Variants in UQCC1 observed in about 807,000 individuals in gnomAD.
UQCC1 encodes ubiquinol-cytochrome c reductase complex assembly factor 1.
A neutral mutation model predicts 48.0 loss-of-function variants in UQCC1; 38 were observed. That is an observed-to-expected ratio of 0.79 (90% CI 0.61 to 1.04). The LOEUF (loss-of-function observed/expected upper bound fraction) is 1.04. UQCC1 is among the 50% of genes least tolerant of loss of function. The probability of loss-of-function intolerance (pLI) is 0.00; values close to 1 mark genes in which losing one functional copy is unlikely to be tolerated. For missense variants in UQCC1, 368 were observed against 381.8 expected (o/e 0.96, Z 0.30); for synonymous variants, 111 against 129.2 (o/e 0.86, Z 0.95).
chr20:35,406,338 A>G (rs1483702300), intron 1 of UQCC1, among the ~76,000 whole-genome samples: 1 of 152,258 alleles, frequency 6.6e-6, no homozygotes, highest in Non-Finnish European at 1.5e-5. Flanking sequence ...AGAGACAAAG[A>G]TTCTTTAAAT....
At chr20:35,402,526 T>C (rs1465806227) in intron 1 of UQCC1, among the ~76,000 whole-genome samples, 2 of 149,622 alleles carry the variant, frequency 1.3e-5, no homozygotes, top group Non-Finnish European at 3.0e-5. Flanking sequence ...TGCAGTGAGC[T>C]GAGATCGCAC....
chr20:35,335,330 A>G (rs1008157075), intron 7 of UQCC1, among the ~76,000 whole-genome samples: 6 of 152,210 alleles, frequency 3.9e-5, no homozygotes, highest in African/African-American at 1.4e-4. Flanking sequence ...TTATTCACAA[A>G]AGCTAAAAAG....
chr20:35,338,733 T>C, intron 7 of UQCC1, among the ~76,000 whole-genome samples: 1 of 150,168 alleles, frequency 6.7e-6, no homozygotes, highest in African/African-American at 2.5e-5. Context: ...TAGTCCCAGC[T>C]ACTTGGGAGG....
intron 6 of UQCC1, among the ~76,000 whole-genome samples, chr20:35,352,569 CAT>C (rs1377471973): frequency 6.6e-6 from 1 of 152,222 alleles, no homozygotes. Context: ...AGAGACCACA[CAT>C]ATGAGAGTGG....
At chr20:35,325,464 C>T (rs1325278001) in intron 7 of UQCC1, among the ~76,000 whole-genome samples, 1 of 152,200 alleles carries the variant, frequency 6.6e-6, no homozygotes, top group Non-Finnish European at 1.5e-5. Flanking sequence ...GGACACTTAT[C>T]CATTTGGCAC....
At chr20:35,400,110 G>A (rs1283843372) in intron 1 of UQCC1, among the ~76,000 whole-genome samples, 2 of 151,828 alleles carry the variant, frequency 1.3e-5, no homozygotes, top group Admixed American at 6.6e-5. Flanking sequence ...ATTTTCGGTA[G>A]AGGCGGGGTT....
intron 8 of UQCC1, among the ~76,000 whole-genome samples, chr20:35,309,783 C>T (rs2060970133): frequency 6.6e-6 from 1 of 152,224 alleles, no homozygotes; most frequent in Admixed American, 6.5e-5. Flanking sequence ...CAGAGTTCCA[C>T]TCAGTGAAGA....
chr20:35,328,048 G>A (rs1310723335), intron 7 of UQCC1, among the ~76,000 whole-genome samples: 5 of 150,220 alleles, frequency 3.3e-5, no homozygotes, highest in Admixed American at 3.3e-4. Context: ...GACACAGCCT[G>A]TGAGTTCTGA....
chr20:35,306,593 A>G (rs922740981), intron 9 of UQCC1, 73 bp downstream of exon 9: 1 of 1,170,630 alleles, frequency 8.5e-7, no homozygotes, highest in Non-Finnish European at 1.3e-6. Flanking sequence ...TCCACCTCTC[A>G]TGATCCCCTG....
chr20:35,397,180 TAGAG>T (rs960010172), intron 1 of UQCC1, among the ~76,000 whole-genome samples: 13 of 116,970 alleles, frequency 1.1e-4, no homozygotes, highest in East Asian at 7.4e-4. Context: ...GCCTGGGCGA[TAGAG>T]AGGGAGACTC....
chr20:35,356,255 G>A (rs1405335476), intron 6 of UQCC1, among the ~76,000 whole-genome samples: 1 of 152,186 alleles, frequency 6.6e-6, no homozygotes, highest in Admixed American at 6.6e-5. Context: ...GGATGGAAGT[G>A]AAGAAATCTC....
At chr20:35,308,848 G>T (rs1319553504) in intron 8 of UQCC1, among the ~76,000 whole-genome samples, 1 of 152,124 alleles carries the variant, frequency 6.6e-6, no homozygotes, top group Non-Finnish European at 1.5e-5. Flanking sequence ...CCAAGTAGCT[G>T]GGACTACGGG....
Position 35,350,857 on chromosome 20 carries a change from A to G in UQCC1, c.465-3585T>C, listed in dbSNP as rs542300645. 1.1e-3 allele frequency among the ~76,000 whole-genome samples: 161 copies of G among 151,846 alleles called. 2 individuals are homozygous for G. Among genetic ancestry groups the G allele is most frequent in the African/African-American group, 3.5e-3 (145 of 41,386 alleles). On this transcript the variant is annotated intron_variant, in intron 6 of 9. Coordinates refer to ENST00000374385, the MANE Select transcript of UQCC1 (RefSeq NM_018244.5). ...GGAGTTCAAGACCAGCCTGACCAAC[A>G]TGGTGAAACCCCGTCTCTCCCAAAA...
At chr20:35,363,576 A>T (rs2061632117) in intron 6 of UQCC1, among the ~76,000 whole-genome samples, 1 of 152,208 alleles carries the variant, frequency 6.6e-6, no homozygotes, top group Non-Finnish European at 1.5e-5. Context: ...CAGGGAACTA[A>T]CAGGGTGTGA....
At chr20:35,358,079 C>T (rs544717200) in intron 6 of UQCC1, among the ~76,000 whole-genome samples, 2 of 152,152 alleles carry the variant, frequency 1.3e-5, no homozygotes, top group East Asian at 1.9e-4. Context: ...GCAGGCTGGG[C>T]GCGCTGGCTC....
At chr20:35,344,472 G>A (rs1323357333) in intron 7 of UQCC1, 1 of 152,240 alleles carries the variant, frequency 6.6e-6, no homozygotes, top group Non-Finnish European at 1.5e-5. Context: ...AAGAAGAACA[G>A]TTTCACTACA....
At chr20:35,394,296 ATATT>A (rs2062048713) in intron 1 of UQCC1, 100 bp from the exon 2 acceptor site, 2 of 1,091,152 alleles carry the variant, frequency 1.8e-6, no homozygotes, top group African/African-American at 3.1e-5. Flanking sequence ...TTAGAAATAT[ATATT>A]TGGCCTTCAT....
At chr20:35,342,329 T>C (rs1346437114) in intron 7 of UQCC1, among the ~76,000 whole-genome samples, 2 of 152,256 alleles carry the variant, frequency 1.3e-5, no homozygotes, top group Non-Finnish European at 2.9e-5. Flanking sequence ...GGAAGTCGTT[T>C]AGCCAGCCTA....
intron 4 of UQCC1, among the ~76,000 whole-genome samples, chr20:35,381,339 C>T (rs924230827): frequency 2.0e-5 from 3 of 152,124 alleles, no homozygotes; most frequent in Admixed American, 1.3e-4. Context: ...CCAATCAGAA[C>T]ATTTGGCCCA....
Sources: gnomAD v4.1 joint callset for allele counts (sites outside exome capture counted in the v4.1 genomes callset) on GRCh38, gnomAD v4.1.1 for gene constraint, MANE v1.5 for transcripts, NCBI Gene and HGNC (gene_info 2026-07-23, HGNC 2026-07-21) for gene names.